The following CRISP3 variants were observed in gnomAD, a reference collection of about 807,000 sequenced individuals.
CRISP3 encodes cysteine-rich secretory protein 3.
Under a neutral mutation model 36.1 loss-of-function variants are expected in CRISP3, and 33 were observed. The observed-to-expected ratio is 0.91, with a 90% confidence interval of 0.69 to 1.22. The LOEUF is 1.22. Ranked by LOEUF, CRISP3 falls within the 50% of genes most tolerant of loss-of-function variation. CRISP3 has a pLI of 0.00. For synonymous variants in CRISP3, 117 were observed against 104.6 expected, an observed-to-expected ratio of 1.12 and a Z score of -0.72; for missense variants, 330 against 301.2, an observed-to-expected ratio of 1.10 and a Z score of -0.71.
rs766516083 is a variant in CRISP3, at chr6:49,727,733, A to G, written c.*997T>C. The G allele has an allele frequency of 1.2e-4, 19 of 152,154 alleles. No individual in the cohort carries two copies. The highest frequency in any genetic ancestry group is 2.5e-4 in the Non-Finnish European group (17 of 68,000). The allele number at this position is 152,154 out of a possible 1,614,324, so 9.4% of individuals were successfully genotyped here. A position where few individuals can be genotyped will look rare whatever the true frequency, so the allele number is the denominator to read the frequency against. On this transcript the variant is annotated 3_prime_UTR_variant, in exon 8 of 8. Coordinates refer to ENST00000263045, the MANE Select transcript of CRISP3 (RefSeq NM_006061.4). ...TTTTTACAGTTTTGAGGAATACTCT[A>G]AAATACCCCAGGGATATTTTGTAGA...
In CRISP3 at chr6:49,744,386, T is replaced by C. The variant is rs777572602; in HGVS notation, c.-19A>G. On this transcript the variant is annotated 5_prime_UTR_variant, in exon 1 of 8. Transcript: ENST00000263045. ...GTTTCATCTATTGACAGAAGGAAGG[T>C]GCAGAGAGAGAAGGTTAGAGCCGTA... The C allele has an allele frequency of 1.5e-5, 23 of 1,531,864 alleles. No individual in the cohort carries two copies. In the South Asian group the frequency reaches 2.7e-4, roughly 18 times the overall value. 94.9% of individuals were successfully genotyped at this position (1,531,864 alleles called of 1,614,324 possible).
chr6:49,731,038 T>A (rs917019407), intron 7 of CRISP3, 125 bp downstream of exon 7: 1 of 562,590 alleles, frequency 1.8e-6, no homozygotes, highest in Middle Eastern at 4.3e-4. Flanking sequence ...CCAGACAGAC[T>A]TTTTTTTCCT....
rs372587261 is a variant in CRISP3, at chr6:49,735,523, G to T, written c.297C>A (p.Asn99Lys). 1 of 1,610,764 alleles carries T rather than the reference G, an allele frequency of 6.2e-7. No homozygotes were observed. The highest frequency in any genetic ancestry group is 8.5e-7 in the Non-Finnish European group (1 of 1,177,988). The part of the protein sequence containing the change: ...WANQCNYRHS[N>K]PKDRMTSLKC... ...ACATACTTGTCATTCGATCCTTTGG[G>T]TTACTGTGTCTGTAATTGCACTGGT... The change falls in exon 4 of 8, where the codon AAC (asparagine) becomes AAA (lysine). Residue 99 changes from asparagine to lysine, a missense_variant. Asn to Lys is a moderately conservative substitution (Grantham distance 94). Coordinates refer to ENST00000263045, the MANE Select transcript of CRISP3 (RefSeq NM_006061.4).
intron 3 of CRISP3, 105 bp from the exon 4 acceptor site, chr6:49,735,696 C>A: frequency 6.8e-6 from 5 of 733,116 alleles, no homozygotes; most frequent in South Asian, 1.9e-5. Flanking sequence ...CATAAAATTT[C>A]TGTACAAGCA....
chr6:49,735,385 T>C (rs752965185), intron 4 of CRISP3, 119 bp downstream of exon 4: 7 of 699,572 alleles, frequency 1.0e-5, no homozygotes, highest in African/African-American at 3.5e-5. Flanking sequence ...ATAGTCCATA[T>C]TGAAAAAGGT....
At chr6:49,736,572 T>C in intron 2 of CRISP3, 65 bp from the exon 3 acceptor site, 1 of 1,166,198 alleles carries the variant, frequency 8.6e-7, no homozygotes, top group Non-Finnish European at 1.3e-6. Context: ...ATAGTAACTA[T>C]GTTAGTTCAA....
intron 2 of CRISP3, 107 bp downstream of exon 2, chr6:49,737,218 G>C: frequency 1.2e-6 from 1 of 803,600 alleles, no homozygotes; most frequent in Non-Finnish European, 2.1e-6. Context: ...AGTACTTTAT[G>C]ATGTACCAGA....
chr6:49,728,885 C>A (rs375631781), intron 7 of CRISP3, 28 bp from the exon 8 acceptor site: 80 of 1,592,804 alleles, frequency 5.0e-5, no homozygotes, highest in Non-Finnish European at 6.8e-5. Flanking sequence ...AAATTAGTCA[C>A]TTCATTATCA....
At chr6:49,733,872 G>A (rs1341757896) in intron 4 of CRISP3, 24 bp from the exon 5 acceptor site, 47 of 1,608,002 alleles carry the variant, frequency 2.9e-5, no homozygotes, top group Non-Finnish European at 3.7e-5. Flanking sequence ...GACCACTCAT[G>A]AGGAAAGCAA....
In CRISP3 at chr6:49,737,305, AT is replaced by A; in HGVS notation, c.111+19del. 1 of 1,609,856 alleles carries A rather than the reference AT, an allele frequency of 6.2e-7. No homozygotes were observed. Among genetic ancestry groups the A allele is most frequent in the Middle Eastern group, 1.7e-4 (1 of 6,052 alleles). ...CATGGTTGCCTGAATTTTTCTGAAG[AT>A]TTTTGACTTCAACCATACCTTATCT... On this transcript the variant is annotated intron_variant, in intron 2 of 7. Transcript: ENST00000263045.
intron 1 of CRISP3, among the ~76,000 whole-genome samples, chr6:49,739,079 G>A (rs557496557): frequency 3.0e-4 from 45 of 151,868 alleles, no homozygotes; most frequent in African/African-American, 9.7e-4. Flanking sequence ...AACTACTAGT[G>A]TTATAGACCT....
At chr6:49,738,618 A>T (rs766768939) in intron 1 of CRISP3, among the ~76,000 whole-genome samples, 10 of 152,058 alleles carry the variant, frequency 6.6e-5, no homozygotes, top group Non-Finnish European at 1.3e-4. Flanking sequence ...AACTTAGCTA[A>T]CACCAAATCC....
chr6:49,741,000 C>T (rs1040056391), intron 1 of CRISP3, among the ~76,000 whole-genome samples: 2 of 151,838 alleles, frequency 1.3e-5, no homozygotes, highest in Non-Finnish European at 2.9e-5. Context: ...ACTCGGGAGG[C>T]TGAGGCAGGA....
At chr6:49,731,323 G>A in intron 6 of CRISP3, 72 bp from the exon 7 acceptor site, 1 of 802,990 alleles carries the variant, frequency 1.2e-6, no homozygotes, top group South Asian at 1.9e-5. Context: ...GTTAGTATCA[G>A]TCACCAAATA....
chr6:49,741,604 G>A (rs1421493714), intron 1 of CRISP3, among the ~76,000 whole-genome samples: 2 of 135,704 alleles, frequency 1.5e-5, no homozygotes, highest in Non-Finnish European at 3.1e-5. Context: ...TTCAACCCCT[G>A]TATGTAGTTT....
chr6:49,736,905 G>A, intron 2 of CRISP3, among the ~76,000 whole-genome samples: 1 of 152,140 alleles, frequency 6.6e-6, no homozygotes, highest in Non-Finnish European at 1.5e-5. Flanking sequence ...TTTACCCTAA[G>A]ACTCTAGGGG....
chr6:49,737,853 C>G (rs1167245758), intron 1 of CRISP3, among the ~76,000 whole-genome samples: 2 of 152,174 alleles, frequency 1.3e-5, no homozygotes, highest in Admixed American at 6.5e-5. Context: ...ATTAACATTT[C>G]TTCAAATTAA....
intron 4 of CRISP3, 104 bp downstream of exon 4, chr6:49,735,400 T>G: frequency 4.9e-6 from 4 of 817,676 alleles, no homozygotes; most frequent in Non-Finnish European, 8.0e-6. Flanking sequence ...AAAGGTAGCA[T>G]TAGAAGCAAT....
At chr6:49,743,417 T>C (rs191185980) in intron 1 of CRISP3, among the ~76,000 whole-genome samples, 151 of 152,306 alleles carry the variant, frequency 9.9e-4, no homozygotes, top group African/African-American at 3.5e-3. Context: ...TTCAGAGGTC[T>C]TAGTCATACA....
Sources: gnomAD v4.1 joint callset for allele counts (sites outside exome capture counted in the v4.1 genomes callset) on GRCh38, gnomAD v4.1.1 for gene constraint, MANE v1.5 for transcripts, NCBI Gene and HGNC (gene_info 2026-07-23, HGNC 2026-07-21) for gene names.